The following OGFOD3 variants were observed in gnomAD, a reference collection of about 807,000 sequenced individuals.
OGFOD3 encodes 2-oxoglutarate and iron dependent oxygenase domain containing 3.
Under a neutral mutation model 39.8 loss-of-function variants are expected in OGFOD3, and 35 were observed. The observed-to-expected ratio is 0.88, with a 90% CI of 0.67 to 1.17. OGFOD3 has a LOEUF of 1.17. Ranked by LOEUF, OGFOD3 falls within the 50% of genes most tolerant of loss-of-function variation. The pLI, the probability that OGFOD3 is intolerant of heterozygous loss-of-function variation, is 0.00. For synonymous variants in OGFOD3, 200 were observed against 192.0 expected (o/e 1.04, Z -0.34); for missense variants, 438 against 454.5 (o/e 0.96, Z 0.33).
rs2052578522 is a variant in OGFOD3 at position 82,389,590 on chromosome 17, C to T, written c.*2808G>A. On this transcript the variant is annotated 3_prime_UTR_variant, in exon 9 of 9. Transcript: ENST00000313056. This position sits in a 1 kb window ranked among gnomAD's most constrained non-coding sequence, Gnocchi z 4.6. ...CCGTCACAGCTCACTGTAGCCTCGA[C>T]CTCCTGGGCTCAAGCAGTCGTCCTG... 1 of 152,232 alleles carries T rather than the reference C, an allele frequency of 6.6e-6. No individual in the cohort carries two copies. Among genetic ancestry groups the T allele is most frequent in the Non-Finnish European group, 1.5e-5 (1 of 68,046 alleles). 9.4% of individuals were successfully genotyped at this position (152,232 alleles called of 1,614,324 possible). A position where few individuals can be genotyped will look rare whatever the true frequency, so the allele number is the denominator to read the frequency against.
In OGFOD3 at chr17:82,415,313, C is replaced by A; in HGVS notation, c.304+85G>T. 7.4e-7 allele frequency: 1 copy of A among 1,358,454 alleles called. No individual in the cohort carries two copies. The highest frequency in any genetic ancestry group is 1.0e-6 in the Non-Finnish European group (1 of 967,268). 84.2% of individuals were successfully genotyped at this position (1,358,454 alleles called of 1,614,324 possible). A position where few individuals can be genotyped will look rare whatever the true frequency, so the allele number is the denominator to read the frequency against. ...TCTGCTACCCCCAAGCATACCACAT[C>A]CAACCCAATTCCCACCCCTTCGTCG... On this transcript the variant is annotated intron_variant, in intron 2 of 8. Coordinates refer to ENST00000313056, the MANE Select transcript of OGFOD3 (RefSeq NM_024648.3). This position sits in a 1 kb window ranked among gnomAD's most constrained non-coding sequence, Gnocchi z 5.3.
At chr17:82,398,399 TTTTG>T in intron 7 of OGFOD3, 80 bp from the exon 8 acceptor site, 2 of 1,534,066 alleles carry the variant, frequency 1.3e-6, no homozygotes, top group African/African-American at 1.4e-5. Context: ...CTCTCTTATT[TTTTG>T]TTTATTTATT....
chr17:82,415,509 C>CCT lies in OGFOD3; in HGVS notation c.192_193insAG (p.Gly65ArgfsTer65), dbSNP rs780601629. On this transcript the variant is annotated frameshift_variant, in exon 2 of 9. Coordinates refer to ENST00000313056, the MANE Select transcript of OGFOD3 (RefSeq NM_024648.3). LOFTEE classifies it high-confidence loss of function. This position sits in a 1 kb window ranked among gnomAD's most constrained non-coding sequence, Gnocchi z 5.3. ...ACCTCTGCGACCCCGTCGTCGGCCCCCAAGCTGCTCCAGAGCAGGAGTGCG... is the reference window on the plus strand; with the variant it reads ...ACCTCTGCGACCCCGTCGTCGGCCCCCTCAAGCTGCTCCAGAGCAGGAGTGCG... 6.2e-7 allele frequency: 1 copy of CCT among 1,613,698 alleles called. No individual in the cohort carries two copies. The highest frequency in any genetic ancestry group is 1.1e-5 in the South Asian group (1 of 91,072).
chr17:82,411,882 A>G (rs2052949545), intron 2 of OGFOD3, among the ~76,000 whole-genome samples: 1 of 152,320 alleles, frequency 6.6e-6, no homozygotes, highest in Non-Finnish European at 1.5e-5. Flanking sequence ...AACCCTTCTG[A>G]GACCACCAGA....
At chr17:82,412,747 T>G (rs1453421623) in intron 2 of OGFOD3, among the ~76,000 whole-genome samples, 1 of 152,170 alleles carries the variant, frequency 6.6e-6, no homozygotes, top group Non-Finnish European at 1.5e-5. Context: ...GCTGGCTTCA[T>G]GCGCTGGAAA....
Position 82,391,010 on chromosome 17 carries a change from C to A in OGFOD3, c.*1388G>T. ...GGCCACAGGTGGGGCCTCCTCCAGT[C>A]AGAGGCACCTGTGCCAGGGGCTAGG... On this transcript the variant is annotated 3_prime_UTR_variant, in exon 9 of 9. Coordinates refer to ENST00000313056, the MANE Select transcript of OGFOD3 (RefSeq NM_024648.3). The surrounding 1 kb of genome is among the most constrained non-coding windows in gnomAD (Gnocchi z 5.1). 1 of 179,462 alleles carries A rather than the reference C, an allele frequency of 5.6e-6. No individual in the cohort carries two copies. Among genetic ancestry groups the A allele is most frequent in the Non-Finnish European group, 1.2e-5 (1 of 83,804 alleles). The allele number at this position is 179,462 out of a possible 1,614,324, so 11.1% of individuals were successfully genotyped here. A position where few individuals can be genotyped will look rare whatever the true frequency, so the allele number is the denominator to read the frequency against.
intron 7 of OGFOD3, 27 bp downstream of exon 7, chr17:82,403,909 CG>C: frequency 1.9e-6 from 3 of 1,580,706 alleles, no homozygotes; most frequent in Non-Finnish European, 2.6e-6. Context: ...TCCACGGGCA[CG>C]CTCACCCTGC....
chr17:82,398,016 C>G (rs935762741), intron 8 of OGFOD3, among the ~76,000 whole-genome samples, 180 bp downstream of exon 8: 1 of 152,020 alleles, frequency 6.6e-6, no homozygotes, highest in African/African-American at 2.4e-5. Flanking sequence ...CATGTGGCCC[C>G]GTAGACACCA....
chr17:82,400,684 T>C (rs2052750370), intron 7 of OGFOD3: 1 of 152,162 alleles, frequency 6.6e-6, no homozygotes, highest in South Asian at 2.1e-4. Flanking sequence ...TCTTGTAGGA[T>C]GCATTACTTA....
intron 7 of OGFOD3, chr17:82,401,144 C>T (rs1000575133): frequency 5.3e-5 from 7 of 131,132 alleles, no homozygotes; most frequent in African/African-American, 8.7e-5. Context: ...TTGGGTTTAC[C>T]TTTTTTTTTT....
chr17:82,392,707 A>G lies in OGFOD3; in HGVS notation c.824-173T>C. 1.3e-6 allele frequency: 1 copy of G among 794,532 alleles called. No homozygotes were observed. Among genetic ancestry groups the G allele is most frequent in the East Asian group, 2.7e-5 (1 of 36,632 alleles). The allele number at this position is 794,532 out of a possible 1,614,324, so 49.2% of individuals were successfully genotyped here. A position where few individuals can be genotyped will look rare whatever the true frequency, so the allele number is the denominator to read the frequency against. On this transcript the variant is annotated intron_variant, in intron 8 of 8. Transcript: ENST00000313056. This position sits in a 1 kb window ranked among gnomAD's most constrained non-coding sequence, Gnocchi z 4.2. ...TTCTGCAGGAAGGAGGAGCTGGAGA[A>G]ACAAACGCAGCAATGCTCAGGGGCC...
intron 8 of OGFOD3, among the ~76,000 whole-genome samples, chr17:82,395,606 G>A (rs1269121831): frequency 6.6e-6 from 1 of 152,218 alleles, no homozygotes; most frequent in African/African-American, 2.4e-5. Context: ...TGGATCACGA[G>A]GTCAGGAGAT....
chr17:82,407,937 G>A (rs1186120604), intron 4 of OGFOD3, among the ~76,000 whole-genome samples: 1 of 152,180 alleles, frequency 6.6e-6, no homozygotes, highest in East Asian at 1.9e-4. Context: ...GAGCTCTGGA[G>A]TTCAAGACCA....
At chr17:82,408,428 G>A (rs1454405861) in intron 4 of OGFOD3, among the ~76,000 whole-genome samples, 1 of 152,234 alleles carries the variant, frequency 6.6e-6, no homozygotes, top group Non-Finnish European at 1.5e-5. Flanking sequence ...AACACCAGCT[G>A]CACCAGACTG....
chr17:82,406,595 GTTTT>G lies in OGFOD3; in HGVS notation c.424-117_424-114del. 1.1e-6 allele frequency: 1 copy of G among 873,260 alleles called. No homozygotes were observed. Among genetic ancestry groups the G allele is most frequent in the Admixed American group, 2.1e-5 (1 of 48,772 alleles). The allele number at this position is 873,260 out of a possible 1,614,324, so 54.1% of individuals were successfully genotyped here. ...GGTCTGGCCAGCACACACCTCAGGT[GTTTT>G]TTTGTTTTTGTTTTTGTTTTTTGTA... On this transcript the variant is annotated intron_variant, in intron 4 of 8. Coordinates refer to ENST00000313056, the MANE Select transcript of OGFOD3 (RefSeq NM_024648.3). The surrounding 1 kb of genome is among the most constrained non-coding windows in gnomAD (Gnocchi z 5.2).
rs2052578631 is a variant in OGFOD3 at position 82,389,603 on chromosome 17, A to G, written c.*2795T>C. 6.6e-6 allele frequency: 1 copy of G among 152,198 alleles called. No homozygotes were observed. Among genetic ancestry groups the G allele is most frequent in the Non-Finnish European group, 1.5e-5 (1 of 68,044 alleles). The allele number at this position is 152,198 out of a possible 1,614,324, so 9.4% of individuals were successfully genotyped here. On this transcript the variant is annotated 3_prime_UTR_variant, in exon 9 of 9. Transcript: ENST00000313056. This position sits in a 1 kb window ranked among gnomAD's most constrained non-coding sequence, Gnocchi z 4.6. Reference sequence around the variant, plus strand: ...CTGTAGCCTCGACCTCCTGGGCTCAAGCAGTCGTCCTGCCTCAGCTCCGAG... The same window carrying G: ...CTGTAGCCTCGACCTCCTGGGCTCAGGCAGTCGTCCTGCCTCAGCTCCGAG...
rs2052595196 is a variant in OGFOD3, at chr17:82,391,392, G to C, written c.*1006C>G. On this transcript the variant is annotated 3_prime_UTR_variant, in exon 9 of 9. Coordinates refer to ENST00000313056, the MANE Select transcript of OGFOD3 (RefSeq NM_024648.3). The surrounding 1 kb of genome is among the most constrained non-coding windows in gnomAD (Gnocchi z 5.1). ...GAGTCTCACTCTGTCACCCAGGCTG[G>C]AGTGTAGTGGCACGATCTCGGCTCA... 1 of 152,414 alleles carries C rather than the reference G, an allele frequency of 6.6e-6. No individual in the cohort carries two copies. The highest frequency in any genetic ancestry group is 1.5e-5 in the Non-Finnish European group (1 of 68,166). The allele number at this position is 152,414 out of a possible 1,614,324, so 9.4% of individuals were successfully genotyped here. A position where few individuals can be genotyped will look rare whatever the true frequency, so the allele number is the denominator to read the frequency against.
chr17:82,416,548 A>C (rs1277924693), intron 1 of OGFOD3, among the ~76,000 whole-genome samples: 1 of 152,248 alleles, frequency 6.6e-6, no homozygotes, highest in Non-Finnish European at 1.5e-5. Context: ...TCCAAGGAGC[A>C]GGTATTGGGC....
intron 7 of OGFOD3, among the ~76,000 whole-genome samples, chr17:82,400,329 T>C (rs1027606006): frequency 6.6e-6 from 1 of 150,850 alleles, no homozygotes; most frequent in African/African-American, 2.4e-5. Context: ...CACAAGTCCA[T>C]GCCAGGCTCT....
Sources: gnomAD v4.1 joint callset for allele counts (sites outside exome capture counted in the v4.1 genomes callset) on GRCh38, gnomAD v4.1.1 for gene constraint, Gnocchi (gnomAD v3.1) non-coding constraint, MANE v1.5 for transcripts, NCBI Gene and HGNC (gene_info 2026-07-23, HGNC 2026-07-21) for gene names.